Variants in PSD4 observed in about 807,000 individuals in gnomAD.
The protein encoded by PSD4 is pleckstrin and Sec7 domain containing 4, also known as PH and SEC7 domain-containing protein 4.
In PSD4, 59 loss-of-function variants were observed where a neutral mutation model predicts 112.5. The observed-to-expected ratio is 0.52, with a 90% confidence interval of 0.43 to 0.65. The LOEUF is 0.65. Ranked by LOEUF, PSD4 falls within the 30% of genes least tolerant of loss-of-function variation. The probability of loss-of-function intolerance (pLI) is 0.00; values close to 1 mark genes in which losing one functional copy is unlikely to be tolerated. For missense variants in PSD4, 1,267 were observed against 1,352.6 expected (o/e 0.94, Z 0.99); for synonymous variants, 533 against 540.0 (o/e 0.99, Z 0.18).
intron 9 of PSD4, 95 bp downstream of exon 9, chr2:113,193,745 C>A: frequency 6.4e-7 from 1 of 1,557,306 alleles, no homozygotes; most frequent in Non-Finnish European, 8.9e-7. Context: ...CAGGGAACAC[C>A]CCTGAGGGAT....
At chr2:113,200,004 T>C (rs982249140) in intron 16 of PSD4, among the ~76,000 whole-genome samples, 2 of 152,112 alleles carry the variant, frequency 1.3e-5, no homozygotes, top group Non-Finnish European at 1.5e-5. Context: ...TTTTGTATTT[T>C]TAGTAGAGAC....
rs35251391 is a variant in PSD4, at chr2:113,189,351, G to GTATATATA, written c.1629-3020_1629-3013dup. ...ATTATATATAATTGAATATATAATAGTATATATATATATATACACACACAC... is the reference window on the plus strand; with the variant it reads ...ATTATATATAATTGAATATATAATAGTATATATATATATATATATATATACACACACAC... On this transcript the variant is annotated intron_variant, in intron 5 of 16. Coordinates refer to ENST00000245796, the MANE Select transcript of PSD4 (RefSeq NM_012455.3). 1.2e-4 allele frequency among the ~76,000 whole-genome samples: 17 copies of GTATATATA among 146,130 alleles called. 2 individuals are homozygous for GTATATATA. The highest frequency in any genetic ancestry group is 3.5e-4 in the African/African-American group (14 of 39,470).
intron 1 of PSD4, among the ~76,000 whole-genome samples, chr2:113,176,023 A>T (rs1204951681): frequency 1.3e-5 from 2 of 152,234 alleles, no homozygotes; most frequent in Non-Finnish European, 2.9e-5. Context: ...CTGTAGAGTT[A>T]GGATGGGATT....
chr2:113,180,610 T>C (rs1688104996), intron 1 of PSD4, among the ~76,000 whole-genome samples: 1 of 151,250 alleles, frequency 6.6e-6, no homozygotes, highest in Admixed American at 6.6e-5. Flanking sequence ...CCGGCCCCTG[T>C]CACCAGCTGT....
chr2:113,192,551 C>T lies in PSD4; in HGVS notation c.1800C>T (p.Gly600=), dbSNP rs1688475540. Reference sequence around the variant, plus strand: ...CCTCACGCCTCTATCGCCTGGAGGGCTTCCGGAAGTCTGAAGTGGCTGCCT... The same window carrying T: ...CCTCACGCCTCTATCGCCTGGAGGGTTTCCGGAAGTCTGAAGTGGCTGCCT... ...NLASRLYRLE[G]FRKSEVAAYL... is the part of the protein sequence containing the mutation. Residue 600 remains glycine, a synonymous_variant, in exon 6 of 17, where the codon GGC becomes GGT. Transcript: ENST00000245796. 6.2e-7 allele frequency: 1 copy of T among 1,614,208 alleles called. No homozygotes were observed. Among genetic ancestry groups the T allele is most frequent in the Non-Finnish European group, 8.5e-7 (1 of 1,180,022 alleles).
rs1429195380 is a variant in PSD4, at chr2:113,203,587, G to A, written c.*2172G>A. 3 of 94,672 alleles carry A rather than the reference G, an allele frequency of 3.2e-5. No individual in the cohort carries two copies. The highest frequency in any genetic ancestry group is 4.2e-5 in the African/African-American group (1 of 23,594). 5.9% of individuals were successfully genotyped at this position (94,672 alleles called of 1,614,324 possible). ...TTTTTTTTTTTTTTTTTTTGGAGAC[G>A]GAGTTTCGCTCTTGTAACCCAGGCT... On this transcript the variant is annotated 3_prime_UTR_variant, in exon 17 of 17. Transcript: ENST00000245796.
intron 1 of PSD4, among the ~76,000 whole-genome samples, chr2:113,179,918 C>T (rs1369475067): frequency 6.6e-6 from 1 of 152,132 alleles, no homozygotes; most frequent in Non-Finnish European, 1.5e-5. Context: ...TGTCATCCAG[C>T]AAGTCTAGAT....
Position 113,183,029 on chromosome 2 carries a change from C to A in PSD4, c.573C>A (p.Pro191=). ...GGCTGAAATGCTGTCTCCCCACGCCCCCTGTGGACCTCCCCGGGGACACGG... is the reference window on the plus strand; with the variant it reads ...GGCTGAAATGCTGTCTCCCCACGCCACCTGTGGACCTCCCCGGGGACACGG... ...KAGLKCCLPT[P]PVDLPGDTGL... Residue 191 remains proline, a synonymous_variant, in exon 2 of 17, where the codon CCC becomes CCA. Transcript: ENST00000245796. 1 of 1,613,896 alleles carries A rather than the reference C, an allele frequency of 6.2e-7. No homozygotes were observed. Among genetic ancestry groups the A allele is most frequent in the Non-Finnish European group, 8.5e-7 (1 of 1,179,886 alleles).
At position 113,197,876 on chromosome 2, in the gene PSD4, C is replaced by T. The variant is rs1573376999; in HGVS notation, c.2587C>T (p.Arg863Cys). The T allele has an allele frequency of 1.9e-6, 3 of 1,601,366 alleles. No homozygotes were observed. Among genetic ancestry groups the T allele is most frequent in the Non-Finnish European group, 2.6e-6 (3 of 1,171,282 alleles). ...YTKKPHVFQL[R>C]TADWRLYLFQ... Reference sequence around the variant, plus strand: ...CAAGAAGCCGCACGTCTTCCAGCTGCGCACGGCTGACTGGCGCCTCTACCT... The same window carrying T: ...CAAGAAGCCGCACGTCTTCCAGCTGTGCACGGCTGACTGGCGCCTCTACCT... Residue 863 changes from arginine to cysteine, a missense_variant, in exon 14 of 17, where the codon CGC becomes TGC. Arg to Cys is a radical substitution (Grantham distance 180, BLOSUM62 -3). This residue lies in a region of PSD4 where 544 missense variants were observed against 648.6 expected (regional missense o/e 0.84). Coordinates refer to ENST00000245796, the MANE Select transcript of PSD4 (RefSeq NM_012455.3).
In PSD4 at chr2:113,208,959, C is replaced by T. The variant is rs187918115; in HGVS notation, c.*7544C>T. On this transcript the variant is annotated 3_prime_UTR_variant, in exon 17 of 17. Transcript: ENST00000245796. ...CTCACTGAGCAGAGGCTGAGGGTGACCACCTTGGATCTTCCTGCAGGACAC... is the reference window on the plus strand; with the variant it reads ...CTCACTGAGCAGAGGCTGAGGGTGATCACCTTGGATCTTCCTGCAGGACAC... 3 of 152,328 alleles carry T rather than the reference C, an allele frequency of 2.0e-5. No individual in the cohort carries two copies. Among genetic ancestry groups the T allele is most frequent in the Admixed American group, 2.0e-4 (3 of 15,294 alleles). 9.4% of individuals were successfully genotyped at this position (152,328 alleles called of 1,614,324 possible).
Position 113,185,993 on chromosome 2 carries a change from C to T in PSD4, c.1366C>T (p.Pro456Ser). ...CAGCCCAGAATCTGAGAGCAGAGGCCCTGGTCCCAGGCCCAGCCCTGCATC... is the reference window on the plus strand; with the variant it reads ...CAGCCCAGAATCTGAGAGCAGAGGCTCTGGTCCCAGGCCCAGCCCTGCATC... ...PSSPESESRG[P>S]GPRPSPASSQ... The change falls in exon 5 of 17, where the codon CCT (proline) becomes TCT (serine). Residue 456 changes from proline to serine, a missense_variant. By Grantham distance (74) the Pro-to-Ser change is moderately conservative. This residue lies in a region of PSD4 where 723 missense variants were observed against 704.0 expected (regional missense o/e 1.03). Transcript: ENST00000245796. 6.2e-7 allele frequency: 1 copy of T among 1,614,148 alleles called. No homozygotes were observed. The highest frequency in any genetic ancestry group is 8.5e-7 in the Non-Finnish European group (1 of 1,179,984).
intron 5 of PSD4, among the ~76,000 whole-genome samples, chr2:113,190,129 G>A (rs1272741920): frequency 6.6e-6 from 1 of 152,174 alleles, no homozygotes; most frequent in African/African-American, 2.4e-5. Flanking sequence ...TTATCTTCTA[G>A]AATTTTTATA....
intron 1 of PSD4, among the ~76,000 whole-genome samples, chr2:113,178,210 A>G (rs1189952485): frequency 6.6e-6 from 1 of 151,958 alleles, no homozygotes; most frequent in South Asian, 2.1e-4. Flanking sequence ...AGAGCAAGAT[A>G]CCGTCTAAAA....
chr2:113,199,148 G>A lies in PSD4; in HGVS notation c.2835G>A (p.Gln945=), dbSNP rs751360617. Residue 945 remains glutamine, a synonymous_variant, in exon 16 of 17, where the codon CAG becomes CAA. Coordinates refer to ENST00000245796, the MANE Select transcript of PSD4 (RefSeq NM_012455.3). ...DAAADDLLDL[Q]RNLPERRGRG... ...CCGCGGACGACCTGCTGGATCTACA[G>A]AGGAACCTGCCGGAGCGGCGGGGCC... The A allele has an allele frequency of 6.5e-7, 1 of 1,529,382 alleles. No homozygotes were observed. Among genetic ancestry groups the A allele is most frequent in the South Asian group, 1.2e-5 (1 of 82,582 alleles). The allele number at this position is 1,529,382 out of a possible 1,614,324, so 94.7% of individuals were successfully genotyped here.
At chr2:113,193,007 A>G in intron 6 of PSD4, 41 bp from the exon 7 acceptor site, 1 of 1,588,902 alleles carries the variant, frequency 6.3e-7, no homozygotes, top group Non-Finnish European at 8.6e-7. Flanking sequence ...GCCCCAGCCC[A>G]GGCCCCTGGT....
At chr2:113,190,112 T>C (rs1384392293) in intron 5 of PSD4, among the ~76,000 whole-genome samples, 1 of 152,232 alleles carries the variant, frequency 6.6e-6, no homozygotes, top group African/African-American at 2.4e-5. Context: ...GAAGGGTTTT[T>C]CCAATGTTAT....
intron 5 of PSD4, among the ~76,000 whole-genome samples, chr2:113,188,814 C>T (rs567759078): frequency 6.6e-6 from 1 of 152,130 alleles, no homozygotes; most frequent in Non-Finnish European, 1.5e-5. Flanking sequence ...GTGATCTGCC[C>T]GCCTTGGCCT....
chr2:113,183,174 G>A lies in PSD4; in HGVS notation c.718G>A (p.Glu240Lys), dbSNP rs1258862211. ...AGACTCTTCCCCACAGTGGGGAGCT[G>A]AGGAGGAGAGCATGTTCTTCAGCAA... ...TPDSSPQWGA[E>K]EESMFFSNPL... Residue 240 changes from glutamate (E) to lysine (K), a missense_variant, in exon 2 of 17, where the codon GAG becomes AAG. Around this residue, in one of 2 missense-constraint regions of PSD4, gnomAD observed 723 missense variants for 704.0 expected, o/e 1.03. Transcript: ENST00000245796. The A allele has an allele frequency of 1.9e-6, 3 of 1,614,220 alleles. No individual in the cohort carries two copies. Among genetic ancestry groups the A allele is most frequent in the Non-Finnish European group, 2.5e-6 (3 of 1,180,038 alleles).
In PSD4 at chr2:113,186,187, T is replaced by A; in HGVS notation, c.1560T>A (p.Ser520Arg). The change falls in exon 5 of 17, where the codon AGT becomes AGA. Residue 520 changes from serine to arginine, a missense_variant. By Grantham distance (110) the Ser-to-Arg change is moderately radical (BLOSUM62 -1). This residue lies in a region of PSD4 where 723 missense variants were observed against 704.0 expected (regional missense o/e 1.03). Transcript: ENST00000245796. ...CAAAACCAGGCGAGGAAGTAAAGAGTGAAGGAACAGCCAGGCCTGCAGAGA... is the reference window on the plus strand; with the variant it reads ...CAAAACCAGGCGAGGAAGTAAAGAGAGAAGGAACAGCCAGGCCTGCAGAGA... Reference protein sequence around the residue: ...EAPKPGEEVKSEGTARPAETG... With the variant: ...EAPKPGEEVKREGTARPAETG... 1.2e-6 allele frequency: 2 copies of A among 1,613,240 alleles called. No individual in the cohort carries two copies. The highest frequency in any genetic ancestry group is 1.7e-6 in the Non-Finnish European group (2 of 1,179,786).
Sources: allele counts gnomAD v4.1 joint callset (sites outside exome capture counted in the v4.1 genomes callset), GRCh38; gene constraint gnomAD v4.1.1; regional missense constraint gnomAD v4.1.1; transcripts MANE v1.5; gene names NCBI Gene and HGNC (gene_info 2026-07-23, HGNC 2026-07-21).